The following MYO9A variants were observed in gnomAD, a reference collection of about 807,000 sequenced individuals.
MYO9A encodes unconventional myosin-IXa.
MYO9A carries 103 observed loss-of-function variants against 293.3 expected under a neutral mutation model. The observed-to-expected ratio is 0.35, with a 90% CI of 0.30 to 0.41. MYO9A has a LOEUF of 0.41. Ranked by LOEUF, MYO9A falls within the 10% of genes least tolerant of loss-of-function variation. The probability of loss-of-function intolerance (pLI) is 1.00; values close to 1 mark genes in which losing one functional copy is unlikely to be tolerated. For synonymous variants in MYO9A, 1,001 were observed against 1,035.7 expected, an observed-to-expected ratio of 0.97 and a Z score of 0.64; for missense variants, 2,685 against 3,033.0, an observed-to-expected ratio of 0.89 and a Z score of 2.69.
chr15:71,978,186 A>G lies in MYO9A; in HGVS notation c.1829T>C (p.Leu610Ser). Residue 610 changes from leucine (L) to serine (S), a missense_variant, in exon 12 of 42, where the codon TTG becomes TCG. This residue lies in a region of MYO9A where 201 missense variants were observed against 245.2 expected (regional missense o/e 0.82). Coordinates refer to ENST00000356056, the MANE Select transcript of MYO9A (RefSeq NM_006901.4). The stretch of plus-strand genomic sequence containing the variant: ...TCACACTCACTTGCTTTCTTCATCC[A>G]AAAGATGAAGCAGTCCTGTTGGTTT... Reference protein sequence around the residue: ...SKKPTGLLHLLDEESNFPQAT... With the variant: ...SKKPTGLLHLSDEESNFPQAT... The G allele has an allele frequency of 1.9e-6, 3 of 1,611,996 alleles. No homozygotes were observed. The highest frequency in any genetic ancestry group is 2.5e-6 in the Non-Finnish European group (3 of 1,179,434).
At chr15:71,884,024 A>G (rs533340559) in intron 27 of MYO9A, among the ~76,000 whole-genome samples, 1 of 152,242 alleles carries the variant, frequency 6.6e-6, no homozygotes, top group East Asian at 1.9e-4. Flanking sequence ...TTCTAAGATG[A>G]AACAGCCACA....
chr15:72,115,324 C>G (rs2080931653), intron 1 of MYO9A, among the ~76,000 whole-genome samples: 1 of 152,138 alleles, frequency 6.6e-6, no homozygotes, highest in Admixed American at 6.5e-5. Context: ...ATCCAAATGC[C>G]TAATGGTCAT....
chr15:71,958,682 T>A (rs951575884), intron 14 of MYO9A: 1 of 152,152 alleles, frequency 6.6e-6, no homozygotes, highest in East Asian at 1.9e-4. Flanking sequence ...TTATGTTGAA[T>A]ACAAATTTTC....
chr15:71,871,001 G>C (rs2056494246), intron 32 of MYO9A, among the ~76,000 whole-genome samples: 1 of 152,138 alleles, frequency 6.6e-6, no homozygotes, highest in African/African-American at 2.4e-5. Context: ...TCATCCCTTG[G>C]TGCCTTGGTC....
At position 71,956,330 on chromosome 15, in the gene MYO9A, A is replaced by AATATAT. The variant is rs1555490832; in HGVS notation, c.2182+3565_2182+3570dup. Among the ~76,000 whole-genome samples the AATATAT allele has an allele frequency of 9.9e-3, 745 of 75,534 alleles. 16 individuals carry two copies. Among genetic ancestry groups the AATATAT allele is most frequent in the Middle Eastern group, 0.019 (2 of 106 alleles). 49.6% of individuals were successfully genotyped at this position (75,534 alleles called of 152,430 possible). On this transcript the variant is annotated intron_variant, in intron 14 of 41. Transcript: ENST00000356056. The stretch of plus-strand genomic sequence containing the variant: ...GCTCTTAAAAAAAAAAAAAAAAAAA[A>AATATAT]ATATATATATATATATATATAAAAT...
chr15:71,867,158 G>A (rs973200725), intron 32 of MYO9A, among the ~76,000 whole-genome samples: 1 of 152,038 alleles, frequency 6.6e-6, no homozygotes, highest in African/African-American at 2.4e-5. Context: ...CAAAGTTGAT[G>A]AGTAAAGACG....
chr15:72,020,089 A>C (rs1024679844), intron 5 of MYO9A, among the ~76,000 whole-genome samples: 2 of 152,156 alleles, frequency 1.3e-5, no homozygotes, highest in Non-Finnish European at 2.9e-5. Flanking sequence ...ATATACTGCT[A>C]TCTGAACCAT....
intron 1 of MYO9A, among the ~76,000 whole-genome samples, chr15:72,053,218 G>C (rs1479885912): frequency 1.3e-5 from 2 of 152,008 alleles, no homozygotes; most frequent in Non-Finnish European, 2.9e-5. Context: ...TGGCCAACAT[G>C]GTGAAACCCT....
intron 1 of MYO9A, among the ~76,000 whole-genome samples, chr15:72,067,385 C>A (rs1215488904): frequency 2.0e-5 from 3 of 152,044 alleles, no homozygotes; most frequent in Non-Finnish European, 4.4e-5. Context: ...TATCGACTCA[C>A]TGTAACCTCC....
chr15:71,879,632 G>A (rs1019606487), intron 30 of MYO9A, 89 bp downstream of exon 30: 83 of 925,664 alleles, frequency 9.0e-5, no homozygotes, highest in Non-Finnish European at 1.2e-4. Context: ...AATCTCTTAC[G>A]AAACATGGCT....
intron 1 of MYO9A, among the ~76,000 whole-genome samples, chr15:72,104,183 G>T (rs190035865): frequency 6.6e-6 from 1 of 152,230 alleles, no homozygotes; most frequent in Non-Finnish European, 1.5e-5. Context: ...CTCTCACAAG[G>T]GTAAACAACT....
At chr15:72,012,123 T>C (rs965929239) in intron 6 of MYO9A, among the ~76,000 whole-genome samples, 2 of 152,178 alleles carry the variant, frequency 1.3e-5, no homozygotes, top group African/African-American at 2.4e-5. Context: ...TGAAATGCTG[T>C]TACCAATATT....
chr15:72,044,455 C>T (rs2078322679), intron 2 of MYO9A, among the ~76,000 whole-genome samples: 1 of 151,648 alleles, frequency 6.6e-6, no homozygotes, highest in Admixed American at 6.6e-5. Context: ...TTACTTACCA[C>T]AGTCATCATG....
At chr15:71,885,804 T>C (rs71395046) in intron 27 of MYO9A, among the ~76,000 whole-genome samples, 1 of 152,132 alleles carries the variant, frequency 6.6e-6, no homozygotes, top group Admixed American at 6.6e-5. Context: ...CTTTCCAAAG[T>C]TCCTACCATT....
intron 11 of MYO9A, among the ~76,000 whole-genome samples, chr15:71,989,503 A>G (rs1335335491): frequency 6.6e-6 from 1 of 152,070 alleles, no homozygotes; most frequent in East Asian, 1.9e-4. Context: ...GGTTTGTATC[A>G]GTAGTTTTGT....
intron 12 of MYO9A, 56 bp downstream of exon 12, chr15:71,978,115 A>G: frequency 6.3e-7 from 1 of 1,589,690 alleles, no homozygotes; most frequent in Non-Finnish European, 8.5e-7. Flanking sequence ...TTTAAACTTA[A>G]AAGGAGATAA....
Position 71,878,210 on chromosome 15 carries a change from G to T in MYO9A, c.5761C>A (p.Arg1921=). 1 of 1,553,694 alleles carries T rather than the reference G, an allele frequency of 6.4e-7. No homozygotes were observed. The change falls in exon 31 of 42, where the codon CGG becomes AGG. Residue 1921 remains arginine, a synonymous_variant. Coordinates refer to ENST00000356056, the MANE Select transcript of MYO9A (RefSeq NM_006901.4). ...ALAMDDGKSI[R]YKDLYALFEQ... The stretch of plus-strand genomic sequence containing the variant: ...AATAGTGCATAGAGGTCTTTATACC[G>T]TATGCTTTTCCCATCATCCATCTAT...
chr15:71,888,152 A>C (rs767888507), intron 26 of MYO9A, 36 bp from the exon 27 acceptor site: 2 of 1,175,428 alleles, frequency 1.7e-6, no homozygotes, highest in Admixed American at 1.9e-5. Context: ...TTTAATGCCA[A>C]GTAAATATAT....
At position 71,879,880 on chromosome 15, in the gene MYO9A, G is replaced by A. The variant is rs1184544679; in HGVS notation, c.5623-43C>T. On this transcript the variant is annotated intron_variant, in intron 29 of 41. Coordinates refer to ENST00000356056, the MANE Select transcript of MYO9A (RefSeq NM_006901.4). Reference sequence around the variant, plus strand: ...AGTTTTAGTACACAATCAACTAATTGAAAAGAAGTAAATACAACAGTAGGC... The same window carrying A: ...AGTTTTAGTACACAATCAACTAATTAAAAAGAAGTAAATACAACAGTAGGC... 2.3e-6 allele frequency: 3 copies of A among 1,308,750 alleles called. No individual in the cohort carries two copies. The South Asian group carries it at 3.6e-5, about 16-fold the overall frequency. 81.1% of individuals were successfully genotyped at this position (1,308,750 alleles called of 1,614,324 possible). A position where few individuals can be genotyped will look rare whatever the true frequency, so the allele number is the denominator to read the frequency against.
Sources: allele counts gnomAD v4.1 joint callset (sites outside exome capture counted in the v4.1 genomes callset), GRCh38; gene constraint gnomAD v4.1.1; regional missense constraint gnomAD v4.1.1; transcripts MANE v1.5; gene names NCBI Gene and HGNC (gene_info 2026-07-23, HGNC 2026-07-21).